Variants in ATP11A observed in about 807,000 individuals in gnomAD.
ATP11A encodes ATPase phospholipid transporting 11A, also known as phospholipid-transporting ATPase IH.
ATP11A carries 81 observed loss-of-function variants against 154.4 expected under a neutral mutation model. That is an observed-to-expected ratio of 0.52 (90% CI 0.44 to 0.63). ATP11A has a LOEUF of 0.63. ATP11A is among the 30% of genes least tolerant of loss of function. ATP11A has a pLI of 0.00. For synonymous variants in ATP11A, 623 were observed against 585.9 expected (o/e 1.06, Z -0.91); for missense variants, 1,316 against 1,474.3 (o/e 0.89, Z 1.76).
rs78278957 is a variant in ATP11A at position 112,801,572 on chromosome 13, C to T, written c.163-3385C>T. ...AGAACCAACAATAACAAAAAAACTT[C>T]TGGATGTTAGAGGCGATTATAGCAT... On this transcript the variant is annotated intron_variant, in intron 2 of 29. Coordinates refer to ENST00000375645, the MANE Select transcript of ATP11A (RefSeq NM_015205.3). Among the ~76,000 whole-genome samples, 17 of 152,330 alleles carry T rather than the reference C, an allele frequency of 1.1e-4. No individual in the cohort carries two copies. In the East Asian group the frequency reaches 3.3e-3, roughly 29 times the overall value.
In ATP11A at chr13:112,840,172, C is replaced by CACTCTCCCGTGCCGT. The variant is rs768474414; in HGVS notation, c.1706-2104_1706-2103insACTCTCCCGTGCCGT. On this transcript the variant is annotated intron_variant, in intron 16 of 29. Transcript: ENST00000375645. ...TCAGCCTCCCCACTCTCCCATCCCC[C>CACTCTCCCGTGCCGT]CCAGCCTCAGCCTCCCCACTCTCCC... Among the ~76,000 whole-genome samples the CACTCTCCCGTGCCGT allele has an allele frequency of 7.1e-5, 4 of 56,046 alleles. 1 individual carries two copies. The highest frequency in any genetic ancestry group is 1.4e-4 in the Non-Finnish European group (4 of 28,318). 36.8% of individuals were successfully genotyped at this position (56,046 alleles called of 152,430 possible).
At chr13:112,803,735 CCT>C in intron 2 of ATP11A, among the ~76,000 whole-genome samples, 4 of 122,614 alleles carry the variant, frequency 3.3e-5, no homozygotes, top group African/African-American at 1.1e-4. Context: ...TCCCTGACCT[CCT>C]TCCCCTCCTT....
intron 12 of ATP11A, 112 bp downstream of exon 12, chr13:112,827,003 G>GT (rs1464701974): frequency 4.7e-6 from 5 of 1,068,228 alleles, no homozygotes; most frequent in East Asian, 2.6e-5. Context: ...TGTAGCTGGC[G>GT]TAAGACAGCA....
At chr13:112,733,904 A>G (rs1890735803) in intron 1 of ATP11A, among the ~76,000 whole-genome samples, 1 of 152,188 alleles carries the variant, frequency 6.6e-6, no homozygotes, top group African/African-American at 2.4e-5. Context: ...TGCTTGGATT[A>G]TTTAGCAGTG....
intron 15 of ATP11A, 117 bp downstream of exon 15, chr13:112,834,777 C>T (rs2079187506): frequency 1.3e-6 from 1 of 777,792 alleles, no homozygotes; most frequent in Non-Finnish European, 2.1e-6. Context: ...AATTCGCTTC[C>T]TCTCCTTCCC....
In ATP11A at chr13:112,816,050, T is replaced by C. The variant is rs529661703; in HGVS notation, c.442-33T>C. The C allele has an allele frequency of 2.2e-5, 35 of 1,613,174 alleles. 1 individual carries two copies. In the South Asian group the frequency reaches 3.7e-4, roughly 17 times the overall value. Reference sequence around the variant, plus strand: ...CGGGCAAGCTTTCACGGAGGGGCTTTCCATTGACCATCCTTTCTGCTTTGT... The same window carrying C: ...CGGGCAAGCTTTCACGGAGGGGCTTCCCATTGACCATCCTTTCTGCTTTGT... On this transcript the variant is annotated intron_variant, in intron 5 of 29. Coordinates refer to ENST00000375645, the MANE Select transcript of ATP11A (RefSeq NM_015205.3).
At chr13:112,740,803 G>C (rs920592683) in intron 1 of ATP11A, among the ~76,000 whole-genome samples, 4 of 152,196 alleles carry the variant, frequency 2.6e-5, no homozygotes, top group Non-Finnish European at 5.9e-5. Context: ...AGCTCTGGCT[G>C]TGCAGGAAAG....
chr13:112,789,688 G>A (rs12016749), intron 2 of ATP11A, among the ~76,000 whole-genome samples: 866 of 107,102 alleles, frequency 8.1e-3, no homozygotes, highest in African/African-American at 0.044. Context: ...GTATTCTGAC[G>A]TGTAGACCCC....
At chr13:112,815,751 G>T (rs1382457373) in intron 5 of ATP11A, among the ~76,000 whole-genome samples, 1 of 152,290 alleles carries the variant, frequency 6.6e-6, no homozygotes, top group East Asian at 1.9e-4. Flanking sequence ...TTCATAAAAC[G>T]CCTAGATTTA....
chr13:112,788,959 T>C (rs12874341), intron 2 of ATP11A, among the ~76,000 whole-genome samples: 4 of 150,408 alleles, frequency 2.7e-5, no homozygotes, highest in Admixed American at 6.6e-5. Context: ...AATTCACACC[T>C]GGCATCTTGA....
intron 16 of ATP11A, among the ~76,000 whole-genome samples, chr13:112,840,926 C>G (rs2079396274): frequency 6.6e-6 from 1 of 152,182 alleles, no homozygotes; most frequent in African/African-American, 2.4e-5. Flanking sequence ...GGATTTGGTC[C>G]CCAGTAGACT....
rs1191138854 is a variant in ATP11A, at chr13:112,759,149, GC to G, written c.40-25985del. 1.2e-4 allele frequency among the ~76,000 whole-genome samples: 19 copies of G among 152,324 alleles called. No individual in the cohort carries two copies. In the East Asian group the frequency reaches 3.5e-3, roughly 28 times the overall value. On this transcript the variant is annotated intron_variant, in intron 1 of 29. Coordinates refer to ENST00000375645, the MANE Select transcript of ATP11A (RefSeq NM_015205.3). Reference sequence around the variant, plus strand: ...CTTGGTGAGGACTCAGAGGTTTGCTGCAGAAACATTCGTGCCTGCAAGCAAA... The same window carrying G: ...CTTGGTGAGGACTCAGAGGTTTGCTGAGAAACATTCGTGCCTGCAAGCAAA...
intron 1 of ATP11A, among the ~76,000 whole-genome samples, chr13:112,694,550 C>T (rs1885569727): frequency 6.6e-6 from 1 of 152,170 alleles, no homozygotes; most frequent in African/African-American, 2.4e-5. Context: ...AGCATCCCGG[C>T]GTGGGCAGGA....
chr13:112,763,449 C>G (rs1469235851), intron 1 of ATP11A, among the ~76,000 whole-genome samples: 1 of 152,212 alleles, frequency 6.6e-6, no homozygotes, highest in Non-Finnish European at 1.5e-5. Flanking sequence ...ATAGCAGGCC[C>G]TGAGAGAAAT....
At chr13:112,809,463 G>A (rs2078424651) in intron 4 of ATP11A, among the ~76,000 whole-genome samples, 1 of 152,190 alleles carries the variant, frequency 6.6e-6, no homozygotes, top group African/African-American at 2.4e-5. Context: ...GGTCCCCAGT[G>A]AGCCTCCTGC....
At chr13:112,830,811 C>G (rs2079063733) in intron 12 of ATP11A, among the ~76,000 whole-genome samples, 1 of 152,208 alleles carries the variant, frequency 6.6e-6, no homozygotes. Context: ...TATCTAAAAT[C>G]AGAGTTTAAG....
At chr13:112,839,085 C>T (rs1440433515) in intron 16 of ATP11A, among the ~76,000 whole-genome samples, 5 of 152,150 alleles carry the variant, frequency 3.3e-5, no homozygotes, top group African/African-American at 1.2e-4. Context: ...GTCATGTGTG[C>T]TTTCCTGGGA....
intron 2 of ATP11A, among the ~76,000 whole-genome samples, chr13:112,793,578 T>C (rs959168003): frequency 1.3e-5 from 2 of 152,190 alleles, no homozygotes; most frequent in African/African-American, 4.8e-5. Flanking sequence ...CTGGCATAAT[T>C]TTCTGTGTTT....
At position 112,883,113 on chromosome 13, in the gene ATP11A, CCCT is replaced by C. The variant is rs1483536710; in HGVS notation, c.*1249_*1251del. ...TGTCCTGTCACCTCGTCCCCACGTC[CCCT>C]CGTCTCCTCATCCCCACGTCCTCTC... On this transcript the variant is annotated 3_prime_UTR_variant, in exon 30 of 30. Transcript: ENST00000375645. 10 of 243,104 alleles carry C rather than the reference CCCT, an allele frequency of 4.1e-5. No individual in the cohort carries two copies. Among genetic ancestry groups the C allele is most frequent in the East Asian group, 1.4e-4 (3 of 21,236 alleles). 15.1% of individuals were successfully genotyped at this position (243,104 alleles called of 1,614,324 possible).
Sources: allele counts gnomAD v4.1 joint callset (sites outside exome capture counted in the v4.1 genomes callset), GRCh38; gene constraint gnomAD v4.1.1; transcripts MANE v1.5; gene names NCBI Gene and HGNC (gene_info 2026-07-23, HGNC 2026-07-21).